PDS5A: variants seen among roughly 807,000 people sequenced by gnomAD.
PDS5A encodes the protein PDS5 cohesin associated factor A, also known as sister chromatid cohesion protein PDS5 homolog A.
In PDS5A, 42 loss-of-function variants were observed where a neutral mutation model predicts 167.1. The observed-to-expected ratio is 0.25, with a 90% CI of 0.20 to 0.33. The LOEUF (loss-of-function observed/expected upper bound fraction) is 0.33, where lower values mean the gene tolerates loss of function less well. PDS5A is among the 10% of genes least tolerant of loss of function. The pLI is 1.00. For synonymous variants in PDS5A, 553 were observed against 554.6 expected (o/e 1.00, Z 0.04); for missense variants, 1,033 against 1,605.9 (o/e 0.64, Z 6.10).
Position 39,849,525 on chromosome 4 carries a change from T to G in PDS5A, c.3214A>C (p.Asn1072His). The change falls in exon 27 of 33, where the codon AAT becomes CAT. Residue 1072 changes from asparagine (N) to histidine (H), a missense_variant. Transcript: ENST00000303538. ...TGGCCTAACACTCATCTTACTTCAT[T>G]TGTCTTGGATTCATCTGGAGACTGG... ...DAQSPDESKT[N>H]EKLYTVCDVA... 6.2e-7 allele frequency: 1 copy of G among 1,609,844 alleles called. No homozygotes were observed. The highest frequency in any genetic ancestry group is 8.5e-7 in the Non-Finnish European group (1 of 1,176,660).
intron 23 of PDS5A, among the ~76,000 whole-genome samples, chr4:39,865,195 T>C (rs1719328441): frequency 6.6e-6 from 1 of 152,180 alleles, no homozygotes; most frequent in Non-Finnish European, 1.5e-5. Context: ...ATTGACTGCA[T>C]TTAGTGATGT....
intron 26 of PDS5A, among the ~76,000 whole-genome samples, chr4:39,858,458 G>C (rs1261487936): frequency 6.6e-6 from 1 of 152,064 alleles, no homozygotes; most frequent in East Asian, 1.9e-4. Flanking sequence ...CCAATCTCTG[G>C]GGAAAGAACA....
chr4:39,928,177 AC>A lies in PDS5A; in HGVS notation c.139-14del, dbSNP rs776172331. The A allele has an allele frequency of 4.6e-6, 7 of 1,505,476 alleles. No homozygotes were observed. The allele number at this position is 1,505,476 out of a possible 1,614,324, so 93.3% of individuals were successfully genotyped here. ...TTTTCACTACCATCTGTAAAAATGT[AC>A]AAAAACACAAAATAATTAACTCCTG... On this transcript the variant is annotated splice_polypyrimidine_tract_variant and intron_variant, in intron 2 of 32. Coordinates refer to ENST00000303538, the MANE Select transcript of PDS5A (RefSeq NM_001100399.2).
chr4:39,951,831 C>T (rs919066291), intron 2 of PDS5A, among the ~76,000 whole-genome samples: 7 of 136,950 alleles, frequency 5.1e-5, no homozygotes, highest in Non-Finnish European at 9.1e-5. Flanking sequence ...ACCCGGAAGG[C>T]AGAGGTTACA....
chr4:39,897,656 C>T (rs570594370), intron 16 of PDS5A, among the ~76,000 whole-genome samples: 1 of 152,198 alleles, frequency 6.6e-6, no homozygotes, highest in Admixed American at 6.5e-5. Flanking sequence ...GCCTTGGACT[C>T]CCAAGGTGCT....
At chr4:39,833,051 T>C (rs138780112) in intron 32 of PDS5A, among the ~76,000 whole-genome samples, 150 of 146,426 alleles carry the variant, frequency 1.0e-3, no homozygotes, top group Non-Finnish European at 1.3e-3. Context: ...ATTAGCTGGG[T>C]GTGGTGGCGG....
In PDS5A at chr4:39,953,670, C is replaced by T. The variant is rs570699546; in HGVS notation, c.138+22770G>A. ...CGCTTGAGCTGGGAAGTCAAGCCTG[C>T]AGTGAGCCATGATCGTACCACTGCA... On this transcript the variant is annotated intron_variant, in intron 2 of 32. Coordinates refer to ENST00000303538, the MANE Select transcript of PDS5A (RefSeq NM_001100399.2). Among the ~76,000 whole-genome samples the T allele has an allele frequency of 2.6e-5, 4 of 152,118 alleles. No individual in the cohort carries two copies. The South Asian group carries it at 8.3e-4, about 32-fold the overall frequency.
At chr4:39,930,215 C>CAAAAGAAAAAAA (rs1725890021) in intron 2 of PDS5A, among the ~76,000 whole-genome samples, 1 of 35,090 alleles carries the variant, frequency 2.8e-5, no homozygotes, top group African/African-American at 1.2e-4. Flanking sequence ...GACTCCATCT[C>CAAAAGAAAAAAA]AAAAAAAAAA....
chr4:39,916,448 A>G (rs958244566), intron 8 of PDS5A, among the ~76,000 whole-genome samples: 9 of 152,222 alleles, frequency 5.9e-5, no homozygotes, highest in African/African-American at 1.9e-4. Context: ...GTTCTAAAAC[A>G]TATCTATCTA....
intron 26 of PDS5A, among the ~76,000 whole-genome samples, chr4:39,859,082 C>A (rs962544157): frequency 6.6e-6 from 1 of 152,076 alleles, no homozygotes; most frequent in Non-Finnish European, 1.5e-5. Context: ...ACTCTTACAA[C>A]TCAATAACAA....
At chr4:39,914,171 T>C (rs901174560) in intron 8 of PDS5A, among the ~76,000 whole-genome samples, 1 of 150,914 alleles carries the variant, frequency 6.6e-6, no homozygotes, top group African/African-American at 2.4e-5. Flanking sequence ...TGTTTTTTTT[T>C]TTTTTTTTTT....
intron 32 of PDS5A, among the ~76,000 whole-genome samples, chr4:39,828,812 G>C (rs938506274): frequency 2.6e-5 from 4 of 152,164 alleles, no homozygotes; most frequent in African/African-American, 9.7e-5. Flanking sequence ...AAGCTCTTTT[G>C]AGATATTACT....
At chr4:39,929,581 A>T in intron 2 of PDS5A, among the ~76,000 whole-genome samples, 1 of 123,876 alleles carries the variant, frequency 8.1e-6, no homozygotes, top group African/African-American at 3.5e-5. Context: ...ACATACATAT[A>T]TCTCCTATAC....
chr4:39,828,187 A>C (rs918816319), intron 32 of PDS5A, among the ~76,000 whole-genome samples: 1 of 152,212 alleles, frequency 6.6e-6, no homozygotes, highest in African/African-American at 2.4e-5. Flanking sequence ...CCCAAAACAT[A>C]AACAGGAATA....
chr4:39,967,160 C>T (rs190565888), intron 2 of PDS5A, among the ~76,000 whole-genome samples: 1 of 151,552 alleles, frequency 6.6e-6, no homozygotes, highest in Admixed American at 6.6e-5. Context: ...AAAAAGTTAG[C>T]TAGGTGTGGT....
intron 16 of PDS5A, among the ~76,000 whole-genome samples, chr4:39,896,998 C>A (rs1722475359): frequency 6.6e-6 from 1 of 151,876 alleles, no homozygotes; most frequent in African/African-American, 2.4e-5. Flanking sequence ...GTTTGCTACA[C>A]CCATCACCCT....
chr4:39,825,980 A>G (rs1715268236), intron 32 of PDS5A, among the ~76,000 whole-genome samples: 1 of 152,172 alleles, frequency 6.6e-6, no homozygotes, highest in Admixed American at 6.6e-5. Flanking sequence ...TCCCTAAACT[A>G]TATAAAAACC....
intron 21 of PDS5A, 91 bp downstream of exon 21, chr4:39,872,893 AAG>A: frequency 1.6e-6 from 1 of 627,452 alleles, no homozygotes; most frequent in African/African-American, 1.9e-5. Flanking sequence ...TTAAAAGAAA[AAG>A]AGAATTACAC....
At chr4:39,971,575 T>C (rs1730542103) in intron 2 of PDS5A, among the ~76,000 whole-genome samples, 1 of 152,086 alleles carries the variant, frequency 6.6e-6, no homozygotes, top group Non-Finnish European at 1.5e-5. Context: ...TTCTCATGCC[T>C]CAGCCACAGG....
Sources: allele counts gnomAD v4.1 joint callset (sites outside exome capture counted in the v4.1 genomes callset), GRCh38; gene constraint gnomAD v4.1.1; transcripts MANE v1.5; gene names NCBI Gene and HGNC (gene_info 2026-07-23, HGNC 2026-07-21).